Variants in ARID1B observed in about 807,000 individuals in gnomAD.
ARID1B encodes the protein AT-rich interactive domain-containing protein 1B.
A neutral mutation model predicts 212.3 loss-of-function variants in ARID1B; 30 were observed. That is an observed-to-expected ratio of 0.14 (90% CI 0.11 to 0.19). ARID1B has a LOEUF of 0.19. Among genes scored for constraint, ARID1B ranks in the 10% least tolerant of loss-of-function variants. The pLI is 1.00. For synonymous variants in ARID1B, 1,402 were observed against 1,301.7 expected (o/e 1.08, Z -1.66); for missense variants, 2,891 against 3,204.0 (o/e 0.90, Z 2.36).
chr6:157,123,230 C>T (rs551192587), intron 6 of ARID1B, among the ~76,000 whole-genome samples: 5 of 22,030 alleles, frequency 2.3e-4, no homozygotes, highest in South Asian at 3.0e-3. Context: ...CTCTCCCCCC[C>T]GCCCCCCGCC....
chr6:157,124,829 GC>G (rs1478000896), intron 6 of ARID1B, among the ~76,000 whole-genome samples: 1 of 152,076 alleles, frequency 6.6e-6, no homozygotes, highest in Non-Finnish European at 1.5e-5. Flanking sequence ...ACCTCTGTGA[GC>G]CTCACTGTCT....
chr6:157,077,364 C>A (rs1203733866), intron 4 of ARID1B, among the ~76,000 whole-genome samples: 1 of 152,146 alleles, frequency 6.6e-6, no homozygotes, highest in Admixed American at 6.5e-5. Context: ...CTCTGTGGCT[C>A]CCTGGTTCCT....
intron 17 of ARID1B, among the ~76,000 whole-genome samples, chr6:157,199,343 G>A (rs752043495): frequency 1.4e-4 from 22 of 152,162 alleles, no homozygotes; most frequent in African/African-American, 3.6e-4. Context: ...TTAAAAATGA[G>A]ATAAGATGCT....
chr6:156,906,451 A>G (rs978185403), intron 3 of ARID1B, among the ~76,000 whole-genome samples: 1 of 148,954 alleles, frequency 6.7e-6, no homozygotes, highest in African/African-American at 2.5e-5. Context: ...AGGCTGAGGC[A>G]GAAGAATCGC....
At chr6:156,803,354 G>A (rs1780922317) in intron 1 of ARID1B, among the ~76,000 whole-genome samples, 1 of 152,156 alleles carries the variant, frequency 6.6e-6, no homozygotes, top group Non-Finnish European at 1.5e-5. Flanking sequence ...AATGGATCTT[G>A]CAAAGATTGT....
At chr6:156,986,446 C>T (rs1251912694) in intron 4 of ARID1B, among the ~76,000 whole-genome samples, 2 of 152,212 alleles carry the variant, frequency 1.3e-5, no homozygotes, top group Non-Finnish European at 2.9e-5. Context: ...ACCCCCTGCA[C>T]GGTAAAATCA....
At chr6:156,983,634 C>T (rs1393883214) in intron 4 of ARID1B, among the ~76,000 whole-genome samples, 1 of 151,976 alleles carries the variant, frequency 6.6e-6, no homozygotes, top group Non-Finnish European at 1.5e-5. Context: ...GCTGACATTA[C>T]GGGGCTGGGC....
chr6:157,043,473 T>C (rs914570724), intron 4 of ARID1B, among the ~76,000 whole-genome samples: 9 of 152,236 alleles, frequency 5.9e-5, no homozygotes, highest in Non-Finnish European at 5.9e-5. Flanking sequence ...CAGCGTGATA[T>C]GGCCTAGCCC....
chr6:157,164,366 G>A (rs889503565), intron 8 of ARID1B, among the ~76,000 whole-genome samples: 9 of 152,236 alleles, frequency 5.9e-5, no homozygotes, highest in African/African-American at 2.2e-4. Flanking sequence ...CGGATGGACA[G>A]TGCTGTCCTG....
intron 4 of ARID1B, among the ~76,000 whole-genome samples, chr6:157,043,244 C>T (rs947452900): frequency 2.0e-5 from 3 of 152,170 alleles, no homozygotes; most frequent in Non-Finnish European, 4.4e-5. Flanking sequence ...CTAGTCTCCA[C>T]CTTGCCTTTC....
At chr6:157,152,884 G>T (rs1183091354) in intron 8 of ARID1B, among the ~76,000 whole-genome samples, 1 of 152,214 alleles carries the variant, frequency 6.6e-6, no homozygotes, top group African/African-American at 2.4e-5. Flanking sequence ...CACAGAGCTT[G>T]TCAGAATGAC....
At chr6:156,902,278 A>G (rs1175184060) in intron 3 of ARID1B, 1 of 152,184 alleles carries the variant, frequency 6.6e-6, no homozygotes, top group Non-Finnish European at 1.5e-5. Flanking sequence ...TCCAGATAAA[A>G]TGTTCGTAGC....
chr6:156,954,378 C>T (rs1163899266), intron 4 of ARID1B, among the ~76,000 whole-genome samples: 1 of 151,934 alleles, frequency 6.6e-6, no homozygotes, highest in African/African-American at 2.4e-5. Context: ...ATGTAACTTT[C>T]GAAGCAATAT....
At chr6:156,783,751 G>A (rs758091987) in intron 1 of ARID1B, among the ~76,000 whole-genome samples, 1 of 152,140 alleles carries the variant, frequency 6.6e-6, no homozygotes, top group Non-Finnish European at 1.5e-5. Flanking sequence ...TGGATGTGCT[G>A]GCCTAGGACT....
rs1165942014 is a variant in ARID1B at position 156,777,950 on chromosome 6, C to CGCG, written c.273_275dup (p.Ala94dup). The CGCG allele has an allele frequency of 2.6e-6, 4 of 1,529,356 alleles. No homozygotes were observed. The highest frequency in any genetic ancestry group is 2.8e-5 in the African/African-American group (2 of 72,518). 94.7% of individuals were successfully genotyped at this position (1,529,356 alleles called of 1,614,324 possible). Reference sequence around the variant, plus strand: ...TCAACATGGCCCATAACGCGGGCGCCGCGGCCGCCGCCGGCACCCACAGCG... The same window carrying CGCG: ...TCAACATGGCCCATAACGCGGGCGCCGCGGCGGCCGCCGCCGGCACCCACAGCG... On this transcript the variant is annotated inframe_insertion, in exon 1 of 20. Coordinates refer to ENST00000636930, the MANE Select transcript of ARID1B (RefSeq NM_001374828.1).
intron 16 of ARID1B, among the ~76,000 whole-genome samples, chr6:157,197,533 G>A (rs368033218): frequency 3.3e-5 from 5 of 152,238 alleles, no homozygotes; most frequent in African/African-American, 1.2e-4. Flanking sequence ...AGGAGACACG[G>A]TGCTTTCTCC....
At chr6:156,784,040 C>T (rs560550923) in intron 1 of ARID1B, among the ~76,000 whole-genome samples, 2 of 150,170 alleles carry the variant, frequency 1.3e-5, no homozygotes, top group African/African-American at 4.9e-5. Flanking sequence ...TTTTTTTTTG[C>T]AATATTTAGG....
At chr6:157,159,827 G>A (rs1269133524) in intron 8 of ARID1B, among the ~76,000 whole-genome samples, 1 of 152,244 alleles carries the variant, frequency 6.6e-6, no homozygotes, top group Non-Finnish European at 1.5e-5. Context: ...GTTCTATTCT[G>A]AAGAGCTAAG....
chr6:156,810,457 C>T (rs956817851), intron 1 of ARID1B, among the ~76,000 whole-genome samples: 2 of 152,316 alleles, frequency 1.3e-5, no homozygotes, highest in South Asian at 4.1e-4. Flanking sequence ...TGCTCTCATT[C>T]TGTCTTCCTT....
Sources: gnomAD v4.1 joint callset for allele counts (sites outside exome capture counted in the v4.1 genomes callset) on GRCh38, gnomAD v4.1.1 for gene constraint, MANE v1.5 for transcripts, NCBI Gene and HGNC (gene_info 2026-07-23, HGNC 2026-07-21) for gene names.